The following GPC5 variants were observed in gnomAD, a reference collection of about 807,000 sequenced individuals.
GPC5 encodes the protein glypican 5.
GPC5 carries 47 observed loss-of-function variants against 53.9 expected under a neutral mutation model. The observed-to-expected ratio is 0.87, with a 90% confidence interval of 0.69 to 1.11. The LOEUF is 1.11. Ranked by LOEUF, GPC5 falls within the 50% of genes most tolerant of loss-of-function variation. The pLI, the probability that GPC5 is intolerant of heterozygous loss-of-function variation, is 0.00. For missense variants in GPC5, 748 were observed against 713.1 expected (o/e 1.05, Z -0.56); for synonymous variants, 286 against 263.3 (o/e 1.09, Z -0.84).
intron 5 of GPC5, among the ~76,000 whole-genome samples, chr13:91,885,791 C>G (rs1385631005): frequency 2.6e-5 from 4 of 152,156 alleles, no homozygotes; most frequent in African/African-American, 4.8e-5. Flanking sequence ...TCATTGTAGC[C>G]TTCATCTCCT....
At chr13:92,078,125 G>C (rs2041267705) in intron 6 of GPC5, among the ~76,000 whole-genome samples, 1 of 152,040 alleles carries the variant, frequency 6.6e-6, no homozygotes, top group Non-Finnish European at 1.5e-5. Flanking sequence ...ATTATAATTA[G>C]CTAAAGACCA....
At chr13:92,019,614 T>C (rs538806907) in intron 6 of GPC5, among the ~76,000 whole-genome samples, 2 of 152,162 alleles carry the variant, frequency 1.3e-5, no homozygotes, top group African/African-American at 2.4e-5. Context: ...CTAGAGACTT[T>C]CCAGTGTTAA....
chr13:91,887,362 G>A (rs917020185), intron 5 of GPC5, among the ~76,000 whole-genome samples: 5 of 152,168 alleles, frequency 3.3e-5, no homozygotes, highest in African/African-American at 1.2e-4. Context: ...TTCCTCCTAG[G>A]CTTTTGAGCC....
intron 5 of GPC5, among the ~76,000 whole-genome samples, chr13:91,871,723 G>T (rs2039147047): frequency 6.6e-6 from 1 of 151,194 alleles, no homozygotes; most frequent in Non-Finnish European, 1.5e-5. Flanking sequence ...CTTTGGATTA[G>T]ATTTTTCATC....
intron 2 of GPC5, among the ~76,000 whole-genome samples, chr13:91,471,670 C>T (rs1402347725): frequency 1.3e-5 from 2 of 152,146 alleles, no homozygotes; most frequent in Admixed American, 1.3e-4. Context: ...TGTCTCAACA[C>T]CACTTTGTGG....
intron 2 of GPC5, among the ~76,000 whole-genome samples, chr13:91,583,034 T>C (rs1181462314): frequency 2.0e-5 from 3 of 152,160 alleles, no homozygotes; most frequent in East Asian, 3.9e-4. Context: ...AATCTATTTA[T>C]AGTAAAAACA....
chr13:91,405,953 G>A (rs778207130), intron 1 of GPC5, among the ~76,000 whole-genome samples: 2 of 152,032 alleles, frequency 1.3e-5, no homozygotes, highest in African/African-American at 4.8e-5. Context: ...TGTATTTTTT[G>A]TAGAGATGGG....
At chr13:92,718,603 T>C (rs546677329) in intron 7 of GPC5, among the ~76,000 whole-genome samples, 40 of 152,086 alleles carry the variant, frequency 2.6e-4, no homozygotes, top group African/African-American at 9.2e-4. Flanking sequence ...GGTACAAAAA[T>C]ATAGCTAGAA....
chr13:92,558,662 G>A (rs908029165), intron 7 of GPC5, among the ~76,000 whole-genome samples: 1 of 151,922 alleles, frequency 6.6e-6, no homozygotes, highest in South Asian at 2.1e-4. Context: ...AGTGTTACAG[G>A]TGATTCTTCT....
intron 1 of GPC5, among the ~76,000 whole-genome samples, chr13:91,448,129 A>G (rs1029406352): frequency 6.6e-6 from 1 of 152,174 alleles, no homozygotes; most frequent in African/African-American, 2.4e-5. Context: ...GATCCTTCTA[A>G]ACATGATTGT....
At chr13:91,539,596 G>A (rs567433766) in intron 2 of GPC5, among the ~76,000 whole-genome samples, 14 of 152,050 alleles carry the variant, frequency 9.2e-5, no homozygotes, top group Non-Finnish European at 1.9e-4. Context: ...GCTGTTTTTG[G>A]GTCACCTTCC....
chr13:92,278,733 A>G (rs1428698707), intron 7 of GPC5, among the ~76,000 whole-genome samples: 1 of 151,878 alleles, frequency 6.6e-6, no homozygotes, highest in African/African-American at 2.4e-5. Flanking sequence ...GTTCAACTTT[A>G]TTCTTTAGAA....
intron 6 of GPC5, among the ~76,000 whole-genome samples, chr13:92,109,039 CTATG>C (rs975248449): frequency 2.9e-5 from 4 of 137,366 alleles, no homozygotes; most frequent in African/African-American, 1.1e-4. Context: ...GTAGCGCCTT[CTATG>C]TATGTATCAA....
chr13:92,759,485 T>C (rs1299126810), intron 7 of GPC5, among the ~76,000 whole-genome samples: 1 of 152,064 alleles, frequency 6.6e-6, no homozygotes, highest in Non-Finnish European at 1.5e-5. Context: ...CTATGATAAA[T>C]GAGATTGTTT....
intron 7 of GPC5, among the ~76,000 whole-genome samples, chr13:92,507,188 TC>T (rs1365916994): frequency 2.0e-5 from 3 of 152,310 alleles, no homozygotes; most frequent in African/African-American, 7.2e-5. Context: ...AGATGAAAGA[TC>T]AACTACTTAC....
intron 7 of GPC5, among the ~76,000 whole-genome samples, chr13:92,349,133 A>G (rs2043453143): frequency 6.6e-6 from 1 of 152,092 alleles, no homozygotes; most frequent in African/African-American, 2.4e-5. Context: ...CAGGTTTTTA[A>G]AAATTTTAAT....
chr13:92,776,775 C>A (rs1268827974), intron 7 of GPC5, among the ~76,000 whole-genome samples: 1 of 151,832 alleles, frequency 6.6e-6, no homozygotes, highest in Non-Finnish European at 1.5e-5. Flanking sequence ...CTGATCATAC[C>A]CTGTCTTTCT....
At chr13:92,851,630 C>A (rs1878802767) in intron 7 of GPC5, among the ~76,000 whole-genome samples, 1 of 151,756 alleles carries the variant, frequency 6.6e-6, no homozygotes, top group South Asian at 2.1e-4. Flanking sequence ...TCCTGTAATC[C>A]GAGCACTTTG....
At chr13:91,722,002 C>T (rs755505992) in intron 3 of GPC5, among the ~76,000 whole-genome samples, 13 of 152,110 alleles carry the variant, frequency 8.5e-5, no homozygotes, top group Non-Finnish European at 1.8e-4. Flanking sequence ...GCTCTATTCC[C>T]ATCTACTACA....
Sources: gnomAD v4.1 joint callset for allele counts (sites outside exome capture counted in the v4.1 genomes callset) on GRCh38, gnomAD v4.1.1 for gene constraint, MANE v1.5 for transcripts, NCBI Gene and HGNC (gene_info 2026-07-23, HGNC 2026-07-21) for gene names.